CTNNA2: variants seen among roughly 807,000 people sequenced by gnomAD.
The protein encoded by CTNNA2 is catenin alpha-2.
CTNNA2 carries 42 observed loss-of-function variants against 101.0 expected under a neutral mutation model. The ratio of observed to expected loss-of-function variants is 0.42; its 90% CI spans 0.32 to 0.54. The LOEUF (loss-of-function observed/expected upper bound fraction) is 0.54. Ranked by LOEUF, CTNNA2 falls within the 20% of genes least tolerant of loss-of-function variation. The probability of loss-of-function intolerance (pLI) is 0.14; values close to 1 mark genes in which losing one functional copy is unlikely to be tolerated. For synonymous variants in CTNNA2, 450 were observed against 456.4 expected, an observed-to-expected ratio of 0.99 and a Z score of 0.18; for missense variants, 871 against 1,223.1, an observed-to-expected ratio of 0.71 and a Z score of 4.29.
At chr2:79,271,193 G>T (rs1196549790) in intron 2 of CTNNA2, among the ~76,000 whole-genome samples, 4 of 151,950 alleles carry the variant, frequency 2.6e-5, no homozygotes, top group Admixed American at 2.0e-4. Flanking sequence ...GTAATAAATT[G>T]CTTTTCAATT....
chr2:79,685,112 A>T (rs919619556), intron 2 of CTNNA2, among the ~76,000 whole-genome samples: 2 of 152,202 alleles, frequency 1.3e-5, no homozygotes, highest in Admixed American at 6.5e-5. Context: ...TTTACTCTGT[A>T]ATTAAAATTG....
chr2:79,948,271 G>A (rs1285727856), intron 7 of CTNNA2, among the ~76,000 whole-genome samples: 1 of 152,162 alleles, frequency 6.6e-6, no homozygotes, highest in Admixed American at 6.6e-5. Flanking sequence ...CATGGTTGCC[G>A]GCTGGTATAT....
intron 7 of CTNNA2, among the ~76,000 whole-genome samples, chr2:80,202,463 A>T (rs1425216985): frequency 6.6e-6 from 1 of 152,214 alleles, no homozygotes; most frequent in Non-Finnish European, 1.5e-5. Flanking sequence ...ATTGGCTGTC[A>T]TTTGGAATGA....
intron 9 of CTNNA2, among the ~76,000 whole-genome samples, chr2:80,533,076 G>C (rs1690680355): frequency 6.6e-6 from 1 of 152,162 alleles, no homozygotes; most frequent in Non-Finnish European, 1.5e-5. Flanking sequence ...TTTAGTTGAA[G>C]ATACATGATA....
chr2:79,593,643 CTT>C (rs1677002845), intron 1 of CTNNA2, among the ~76,000 whole-genome samples: 1 of 152,110 alleles, frequency 6.6e-6, no homozygotes, highest in Non-Finnish European at 1.5e-5. Context: ...GACTCTCTCT[CTT>C]GCAGTGTGGC....
chr2:80,597,046 A>G (rs985009542), intron 15 of CTNNA2, among the ~76,000 whole-genome samples: 2 of 152,280 alleles, frequency 1.3e-5, no homozygotes, highest in Non-Finnish European at 1.5e-5. Context: ...CTTGCATCCC[A>G]GGGATGAACT....
chr2:79,909,512 A>G (rs1222205004), intron 6 of CTNNA2, 82 bp from the exon 7 acceptor site: 5 of 1,161,460 alleles, frequency 4.3e-6, no homozygotes, highest in African/African-American at 1.5e-5. Context: ...CTTGCCTCAG[A>G]TATTTCTGGT....
intron 8 of CTNNA2, among the ~76,000 whole-genome samples, chr2:80,402,287 A>C (rs1678625010): frequency 6.6e-6 from 1 of 152,166 alleles, no homozygotes; most frequent in South Asian, 2.1e-4. Flanking sequence ...AGCAACCAAT[A>C]GATTTCCAAA....
chr2:79,523,914 GT>G (rs1672256290), intron 1 of CTNNA2, among the ~76,000 whole-genome samples: 1 of 151,926 alleles, frequency 6.6e-6, no homozygotes, highest in Admixed American at 6.6e-5. Context: ...TGTTTTCCAA[GT>G]TTTTTTGCAT....
At chr2:80,628,647 CA>C (rs1671952133) in intron 18 of CTNNA2, among the ~76,000 whole-genome samples, 1 of 152,006 alleles carries the variant, frequency 6.6e-6, no homozygotes. Context: ...AGTTGTTCCG[CA>C]AACAGTTTAA....
intron 3 of CTNNA2, among the ~76,000 whole-genome samples, chr2:79,803,861 T>C (rs529884047): frequency 6.6e-6 from 1 of 152,210 alleles, no homozygotes; most frequent in Non-Finnish European, 1.5e-5. Flanking sequence ...GAAAACACTC[T>C]AGTAGGCTAA....
intron 4 of CTNNA2, among the ~76,000 whole-genome samples, chr2:79,866,133 A>G (rs1197945249): frequency 6.6e-6 from 1 of 152,226 alleles, no homozygotes; most frequent in African/African-American, 2.4e-5. Context: ...AGGAGTAGAC[A>G]GGCTTGCTTT....
chr2:79,610,128 C>A (rs1033797275), intron 1 of CTNNA2, among the ~76,000 whole-genome samples: 7 of 151,956 alleles, frequency 4.6e-5, no homozygotes, highest in Non-Finnish European at 8.8e-5. Flanking sequence ...TAGCATCTAT[C>A]AAAGAAGATA....
intron 1 of CTNNA2, among the ~76,000 whole-genome samples, chr2:79,623,393 TGGAGA>T (rs1679111877): frequency 6.6e-6 from 1 of 152,198 alleles, no homozygotes; most frequent in Non-Finnish European, 1.5e-5. Flanking sequence ...CCAGTCACTT[TGGAGA>T]GGAAACAGCC....
At chr2:80,057,576 TGGC>T (rs1697307783) in intron 7 of CTNNA2, among the ~76,000 whole-genome samples, 1 of 152,164 alleles carries the variant, frequency 6.6e-6, no homozygotes, top group Non-Finnish European at 1.5e-5. Context: ...CTTTTCTCTC[TGGC>T]TCCCACTCAC....
At position 79,637,806 on chromosome 2, in the gene CTNNA2, A is replaced by G. The variant is rs1486388826; in HGVS notation, c.-5-13746A>G. Reference sequence around the variant, plus strand: ...TTCAGGAAGTTGAATTTTATCTTGGAAAAAAACAGATTTGGAACAAACTTT... The same window carrying G: ...TTCAGGAAGTTGAATTTTATCTTGGGAAAAAACAGATTTGGAACAAACTTT... On this transcript the variant is annotated intron_variant, in intron 1 of 18. Transcript: ENST00000402739. 3.9e-5 allele frequency among the ~76,000 whole-genome samples: 6 copies of G among 152,324 alleles called. No individual in the cohort carries two copies. The South Asian group carries it at 8.3e-4, about 21-fold the overall frequency.
chr2:80,184,084 T>C (rs1351991198), intron 7 of CTNNA2, among the ~76,000 whole-genome samples: 2 of 151,462 alleles, frequency 1.3e-5, no homozygotes, highest in Non-Finnish European at 2.9e-5. Context: ...ATAATAATAA[T>C]AACCACAAAA....
chr2:80,360,645 CT>C (rs1303651539), intron 7 of CTNNA2, among the ~76,000 whole-genome samples: 3 of 152,016 alleles, frequency 2.0e-5, no homozygotes, highest in Non-Finnish European at 4.4e-5. Context: ...CCTGCATATG[CT>C]TAGGGAGTAC....
At chr2:79,913,464 T>C (rs566076328) in intron 7 of CTNNA2, among the ~76,000 whole-genome samples, 5 of 152,216 alleles carry the variant, frequency 3.3e-5, no homozygotes, top group African/African-American at 4.8e-5. Flanking sequence ...GGTGAACCAT[T>C]ATACAGAATT....
Sources: allele counts gnomAD v4.1 joint callset (sites outside exome capture counted in the v4.1 genomes callset), GRCh38; gene constraint gnomAD v4.1.1; transcripts MANE v1.5; gene names NCBI Gene and HGNC (gene_info 2026-07-23, HGNC 2026-07-21).